ATRNL1: variants seen among roughly 807,000 people sequenced by gnomAD.
ATRNL1 encodes the protein attractin like 1.
Under a neutral mutation model 182.7 loss-of-function variants are expected in ATRNL1, and 95 were observed. That is an observed-to-expected ratio of 0.52 (90% CI 0.44 to 0.62). ATRNL1 has a LOEUF of 0.62. Among genes scored for constraint, ATRNL1 ranks in the 20% least tolerant of loss-of-function variants. The pLI, the probability that ATRNL1 is intolerant of heterozygous loss-of-function variation, is 0.00. For synonymous variants in ATRNL1, 576 were observed against 568.3 expected (o/e 1.01, Z -0.19); for missense variants, 1,471 against 1,679.5 (o/e 0.88, Z 2.17).
Position 115,434,096 on chromosome 10 carries a change from G to A in ATRNL1, c.3322+7794G>A, listed in dbSNP as rs534563791. Among the ~76,000 whole-genome samples, 4 of 152,248 alleles carry A rather than the reference G, an allele frequency of 2.6e-5. No homozygotes were observed. The South Asian group carries it at 8.3e-4, about 32-fold the overall frequency. On this transcript the variant is annotated intron_variant, in intron 21 of 28. Coordinates refer to ENST00000355044, the MANE Select transcript of ATRNL1 (RefSeq NM_207303.4). ...GTAAAATGTTGAATGGTCTACTGAA[G>A]GGACTGCCTGCCTTCTAAATAAATC...
At position 115,847,974 on chromosome 10, in the gene ATRNL1, CT is replaced by C; in HGVS notation, c.4002del (p.Pro1336LeufsTer12). ...CTACCACGAGGATCATCAGGTGCCC[CT>C]CCCCCTGGGCAGTCAGGTATGATAA... ...LCLPRGSSGA[P>X]PPGQSGLAIA... On this transcript the variant is annotated frameshift_variant, in exon 28 of 29. Transcript: ENST00000355044. LOFTEE classifies it high-confidence loss of function. The C allele has an allele frequency of 6.2e-7, 1 of 1,604,734 alleles. No homozygotes were observed. The highest frequency in any genetic ancestry group is 8.5e-7 in the Non-Finnish European group (1 of 1,171,840).
At chr10:115,748,864 G>A (rs73379707) in intron 27 of ATRNL1, among the ~76,000 whole-genome samples, 4,526 of 151,736 alleles carry the variant, frequency 0.03, 248 homozygotes, top group African/African-American at 0.1. Flanking sequence ...TCTTAATTCT[G>A]GAAATGAACA....
chr10:115,573,015 G>A (rs147250818), intron 26 of ATRNL1, among the ~76,000 whole-genome samples: 382 of 152,246 alleles, frequency 2.5e-3, no homozygotes, highest in Non-Finnish European at 4.7e-3. Context: ...TTTCAGCTTT[G>A]CCTTCCGCAG....
chr10:115,592,847 G>A (rs1855995062), intron 26 of ATRNL1, among the ~76,000 whole-genome samples: 1 of 152,128 alleles, frequency 6.6e-6, no homozygotes, highest in Non-Finnish European at 1.5e-5. Context: ...TCAGCTACAT[G>A]TGCCTACTTA....
chr10:115,681,245 A>C (rs1214993520), intron 26 of ATRNL1, among the ~76,000 whole-genome samples: 1 of 152,172 alleles, frequency 6.6e-6, no homozygotes, highest in Non-Finnish European at 1.5e-5. Context: ...GTCATGTGTT[A>C]ATTAGAGGCT....
intron 26 of ATRNL1, among the ~76,000 whole-genome samples, chr10:115,620,339 G>T (rs1328142704): frequency 6.6e-6 from 1 of 152,088 alleles, no homozygotes; most frequent in Non-Finnish European, 1.5e-5. Flanking sequence ...CCTCTCACCA[G>T]GCCCCACCCC....
At chr10:115,882,482 A>G (rs1951848094) in intron 28 of ATRNL1, among the ~76,000 whole-genome samples, 1 of 152,126 alleles carries the variant, frequency 6.6e-6, no homozygotes, top group African/African-American at 2.4e-5. Context: ...CTTCATTCAC[A>G]TGTGCTATTT....
At chr10:115,692,480 A>G (rs1946424690) in intron 26 of ATRNL1, among the ~76,000 whole-genome samples, 2 of 152,140 alleles carry the variant, frequency 1.3e-5, no homozygotes, top group Non-Finnish European at 2.9e-5. Context: ...AGGTCGCTGC[A>G]TTACATTTAA....
rs115086917 is a variant in ATRNL1 at position 115,213,187 on chromosome 10, A to C, written c.1349-2510A>C. Among the ~76,000 whole-genome samples, 1,181 of 151,850 alleles carry C rather than the reference A, an allele frequency of 7.8e-3. 18 individuals carry two copies. Among genetic ancestry groups the C allele is most frequent in the African/African-American group, 0.025 (1,054 of 41,432 alleles). ...AGGGAGTTTTTGATCATATCTTTAC[A>C]TTTTGGGTTTCATAGTGGGAGTCTC... On this transcript the variant is annotated intron_variant, in intron 8 of 28. Transcript: ENST00000355044.
At chr10:115,371,162 A>G (rs114475150) in intron 19 of ATRNL1, among the ~76,000 whole-genome samples, 1,966 of 152,280 alleles carry the variant, frequency 0.013, 38 homozygotes, top group African/African-American at 0.044. Context: ...CTGGATGTCC[A>G]GGCAGAAGTT....
intron 28 of ATRNL1, among the ~76,000 whole-genome samples, chr10:115,849,594 AT>A (rs1951007071): frequency 6.6e-6 from 1 of 152,178 alleles, no homozygotes; most frequent in African/African-American, 2.4e-5. Flanking sequence ...ACTAATGTTA[AT>A]GTTATCTTAG....
chr10:115,651,267 C>T (rs1859982899), intron 26 of ATRNL1, among the ~76,000 whole-genome samples: 1 of 152,188 alleles, frequency 6.6e-6, no homozygotes, highest in Admixed American at 6.5e-5. Context: ...GGGTACTATG[C>T]TCACTACCTG....
At chr10:115,514,824 T>C (rs1318306614) in intron 24 of ATRNL1, among the ~76,000 whole-genome samples, 3 of 152,094 alleles carry the variant, frequency 2.0e-5, no homozygotes, top group African/African-American at 4.8e-5. Context: ...TAATCAATGC[T>C]TTTTTCCCCT....
intron 7 of ATRNL1, among the ~76,000 whole-genome samples, chr10:115,169,652 AGCC>A (rs1415456819): frequency 2.0e-5 from 3 of 152,160 alleles, no homozygotes; most frequent in African/African-American, 7.2e-5. Context: ...TCTACAAAGA[AGCC>A]AGCTGAGATT....
intron 27 of ATRNL1, among the ~76,000 whole-genome samples, chr10:115,805,654 C>T (rs1555085515): frequency 2.0e-5 from 3 of 152,058 alleles, no homozygotes. Flanking sequence ...GGTTCTGTTT[C>T]TTCAGCTGTA....
chr10:115,545,195 A>G (rs968254176), intron 25 of ATRNL1, among the ~76,000 whole-genome samples: 5 of 145,914 alleles, frequency 3.4e-5, no homozygotes, highest in African/African-American at 1.3e-4. Context: ...AGATCACGCC[A>G]CTGCACTCCA....
chr10:115,557,949 G>A (rs1300324638), intron 26 of ATRNL1, among the ~76,000 whole-genome samples: 1 of 151,898 alleles, frequency 6.6e-6, no homozygotes, highest in African/African-American at 2.4e-5. Context: ...GGAGGCTGAG[G>A]CAGGAGAATT....
rs140764169 is a variant in ATRNL1, at chr10:115,411,979, A to G, written c.3270-14271A>G. ...GGTATTCATACCATTGTGTAGTTCC[A>G]TTTCCTTCCTTGAGTGTGGGCAGGA... On this transcript the variant is annotated intron_variant, in intron 20 of 28. Coordinates refer to ENST00000355044, the MANE Select transcript of ATRNL1 (RefSeq NM_207303.4). Among the ~76,000 whole-genome samples, 247 of 152,222 alleles carry G rather than the reference A, an allele frequency of 1.6e-3. 1 individual carries two copies. Among genetic ancestry groups the G allele is most frequent in the Non-Finnish European group, 2.2e-3 (151 of 68,002 alleles).
chr10:115,840,583 A>G (rs1950784112), intron 27 of ATRNL1, among the ~76,000 whole-genome samples: 1 of 152,168 alleles, frequency 6.6e-6, no homozygotes, highest in Non-Finnish European at 1.5e-5. Flanking sequence ...GCTTTAACCA[A>G]ACTCATGCTT....
Sources: allele counts gnomAD v4.1 joint callset (sites outside exome capture counted in the v4.1 genomes callset), GRCh38; gene constraint gnomAD v4.1.1; transcripts MANE v1.5; gene names NCBI Gene and HGNC (gene_info 2026-07-23, HGNC 2026-07-21).